The following NDST3 variants were observed in gnomAD, a reference collection of about 807,000 sequenced individuals.
NDST3 encodes N-deacetylase and N-sulfotransferase 3, also known as bifunctional heparan sulfate N-deacetylase/N-sulfotransferase 3.
NDST3 carries 58 observed loss-of-function variants against 96.1 expected under a neutral mutation model. The observed-to-expected ratio is 0.60, with a 90% CI of 0.49 to 0.75. NDST3 has a LOEUF of 0.75. Among genes scored for constraint, NDST3 ranks in the 30% least tolerant of loss-of-function variants. The probability of loss-of-function intolerance (pLI) is 0.00; values close to 1 mark genes in which losing one functional copy is unlikely to be tolerated. For synonymous variants in NDST3, 333 were observed against 359.7 expected (o/e 0.93, Z 0.84); for missense variants, 788 against 1,034.2 (o/e 0.76, Z 3.27).
At chr4:118,210,495 G>A (rs1738716018) in intron 6 of NDST3, among the ~76,000 whole-genome samples, 1 of 151,996 alleles carries the variant, frequency 6.6e-6, no homozygotes, top group Non-Finnish European at 1.5e-5. Context: ...GGACCCTGCT[G>A]GGCCGGGCAC....
At chr4:118,170,020 C>G (rs1193974392) in intron 6 of NDST3, among the ~76,000 whole-genome samples, 2 of 152,120 alleles carry the variant, frequency 1.3e-5, no homozygotes, top group African/African-American at 4.8e-5. Flanking sequence ...AAGGCTCCAT[C>G]AAGTGTTGCA....
chr4:118,076,280 A>AT (rs1260651311), intron 2 of NDST3, among the ~76,000 whole-genome samples: 4 of 152,112 alleles, frequency 2.6e-5, no homozygotes, highest in Non-Finnish European at 5.9e-5. Flanking sequence ...TGTCTTGGGA[A>AT]AGGTCATCTT....
At chr4:118,140,511 C>T (rs1476556140) in intron 5 of NDST3, among the ~76,000 whole-genome samples, 1 of 152,122 alleles carries the variant, frequency 6.6e-6, no homozygotes, top group African/African-American at 2.4e-5. Flanking sequence ...ACTCTAATCT[C>T]TGGTTGTTGA....
At chr4:118,061,487 A>G (rs1010030243) in intron 2 of NDST3, among the ~76,000 whole-genome samples, 5 of 152,182 alleles carry the variant, frequency 3.3e-5, no homozygotes, top group African/African-American at 1.2e-4. Context: ...ACACTGTAAA[A>G]TAGACAAATG....
At chr4:118,121,645 T>C (rs963227601) in intron 4 of NDST3, among the ~76,000 whole-genome samples, 4 of 151,892 alleles carry the variant, frequency 2.6e-5, no homozygotes, top group Non-Finnish European at 5.9e-5. Flanking sequence ...ATTTCTGACA[T>C]AGATTCAATA....
chr4:118,175,960 G>A (rs951011117), intron 6 of NDST3, among the ~76,000 whole-genome samples: 1 of 152,118 alleles, frequency 6.6e-6, no homozygotes, highest in Middle Eastern at 3.4e-3. Flanking sequence ...GCTGGTCTGT[G>A]CTATCCTTAC....
intron 2 of NDST3, among the ~76,000 whole-genome samples, chr4:118,088,620 C>T (rs1728622006): frequency 6.6e-6 from 1 of 152,010 alleles, no homozygotes; most frequent in Non-Finnish European, 1.5e-5. Context: ...TAGTAGCAAG[C>T]TTGTGAAACA....
At chr4:118,250,778 C>A (rs2126013322) in intron 12 of NDST3, among the ~76,000 whole-genome samples, 1 of 152,138 alleles carries the variant, frequency 6.6e-6, no homozygotes. Context: ...GCCATTGCAC[C>A]CAGCCTGTTC....
At chr4:118,203,061 T>C (rs1434037736) in intron 6 of NDST3, among the ~76,000 whole-genome samples, 2 of 152,204 alleles carry the variant, frequency 1.3e-5, no homozygotes. Flanking sequence ...TCTGCATCTA[T>C]TGAGAAGATA....
At chr4:118,085,419 G>T (rs1004697966) in intron 2 of NDST3, among the ~76,000 whole-genome samples, 3 of 152,142 alleles carry the variant, frequency 2.0e-5, no homozygotes, top group Admixed American at 1.3e-4. Context: ...GAGAAAAAAA[G>T]TACTAATAGA....
chr4:118,185,727 T>C (rs1359869596), intron 6 of NDST3, among the ~76,000 whole-genome samples: 1 of 152,164 alleles, frequency 6.6e-6, no homozygotes, highest in Non-Finnish European at 1.5e-5. Context: ...CAGTTCAGCA[T>C]TTGCCTAATT....
chr4:118,129,112 A>C (rs1732380224), intron 4 of NDST3, among the ~76,000 whole-genome samples: 1 of 149,688 alleles, frequency 6.7e-6, no homozygotes, highest in Non-Finnish European at 1.5e-5. Context: ...TGGTTTGCTG[A>C]TTTTGTTTAT....
At chr4:118,157,316 T>C (rs1734776330) in intron 6 of NDST3, among the ~76,000 whole-genome samples, 1 of 150,234 alleles carries the variant, frequency 6.7e-6, no homozygotes, top group African/African-American at 2.5e-5. Flanking sequence ...AAATTATTAA[T>C]AAAAAGAAAA....
At chr4:118,033,963 G>T (rs887992539), upstream of NDST3, 1 of 152,220 alleles carries the variant, frequency 6.6e-6, no homozygotes, top group Non-Finnish European at 1.5e-5. Flanking sequence ...ACCCGATCCG[G>T]GCGCCTTGGA....
intron 2 of NDST3, among the ~76,000 whole-genome samples, chr4:118,058,645 GCA>G (rs1725653396): frequency 6.9e-5 from 1 of 14,398 alleles, no homozygotes; most frequent in Non-Finnish European, 8.5e-4. Flanking sequence ...GCGCGCGCGC[GCA>G]CGCATGCATG....
intron 6 of NDST3, among the ~76,000 whole-genome samples, chr4:118,217,188 T>A (rs562474732): frequency 6.6e-6 from 1 of 152,188 alleles, no homozygotes; most frequent in Admixed American, 6.6e-5. Flanking sequence ...AGAAACCGTA[T>A]AAACGAAGCC....
intron 4 of NDST3, among the ~76,000 whole-genome samples, chr4:118,131,637 G>T (rs1732624562): frequency 6.6e-6 from 1 of 151,992 alleles, no homozygotes; most frequent in Admixed American, 6.6e-5. Context: ...CATTTTCCTG[G>T]ATCATCTTGA....
chr4:118,097,274 G>T (rs1279302460), intron 2 of NDST3, among the ~76,000 whole-genome samples: 2 of 151,886 alleles, frequency 1.3e-5, no homozygotes, highest in African/African-American at 4.8e-5. Context: ...AACCCATGTT[G>T]TCTAGAGTAT....
intron 6 of NDST3, among the ~76,000 whole-genome samples, chr4:118,175,351 A>T (rs1736209810): frequency 6.6e-6 from 1 of 151,934 alleles, no homozygotes. Flanking sequence ...TCCTCTAGTA[A>T]CTTAGGCCTC....
Sources: allele counts gnomAD v4.1 joint callset (sites outside exome capture counted in the v4.1 genomes callset), GRCh38; gene constraint gnomAD v4.1.1; transcripts MANE v1.5; gene names NCBI Gene and HGNC (gene_info 2026-07-23, HGNC 2026-07-21).